Variants in CHD9 observed in about 807,000 individuals in gnomAD.
The protein encoded by CHD9 is ATP-dependent chromatin remodeler CHD9.
A neutral mutation model predicts 316.1 loss-of-function variants in CHD9; 77 were observed. The observed-to-expected ratio is 0.24, with a 90% CI of 0.20 to 0.29. CHD9 has a LOEUF of 0.29. Among genes scored for constraint, CHD9 ranks in the 10% least tolerant of loss-of-function variants. The pLI is 1.00. For synonymous variants in CHD9, 1,129 were observed against 1,158.3 expected, an observed-to-expected ratio of 0.97 and a Z score of 0.51; for missense variants, 2,763 against 3,438.1, an observed-to-expected ratio of 0.80 and a Z score of 4.91.
Position 53,324,200 on chromosome 16 carries a change from G to A in CHD9, c.7999G>A (p.Val2667Met), listed in dbSNP as rs1438443667. 6.2e-7 allele frequency: 1 copy of A among 1,613,970 alleles called. No individual in the cohort carries two copies. The highest frequency in any genetic ancestry group is 1.1e-5 in the South Asian group (1 of 91,078). ...GTTAGCCAATGGACTACTTCCAGGT[G>A]TGGATCTCACAACTCTTCAGGCCTT... ...PLLANGLLPG[V>M]DLTTLQALQQ... The change falls in exon 39 of 39, where the codon GTG (valine) becomes ATG (methionine). Residue 2667 changes from valine to methionine, a missense_variant. This residue lies in a region of CHD9 where 298 missense variants were observed against 380.2 expected (regional missense o/e 0.78). Coordinates refer to ENST00000447540, the MANE Select transcript of CHD9 (RefSeq NM_001308319.2).
At chr16:53,075,582 A>C (rs1410458955) in intron 1 of CHD9, among the ~76,000 whole-genome samples, 1 of 152,086 alleles carries the variant, frequency 6.6e-6, no homozygotes, top group Non-Finnish European at 1.5e-5. Flanking sequence ...GTAGTGAATA[A>C]GTCTCACGAG....
rs555234780 is a variant in CHD9 at position 53,218,281 on chromosome 16, A to C, written c.1785-4363A>C. On this transcript the variant is annotated intron_variant, in intron 3 of 38. Coordinates refer to ENST00000447540, the MANE Select transcript of CHD9 (RefSeq NM_001308319.2). ...TAGAACAATGTTGGAAGAATAATAC[A>C]GAATATGTGGAAAATAAAGTGAAAG... Among the ~76,000 whole-genome samples the C allele has an allele frequency of 1.5e-4, 23 of 152,294 alleles. 1 individual carries two copies. In the South Asian group the frequency reaches 4.6e-3, roughly 30 times the overall value.
At chr16:53,238,748 C>T (rs2048836042) in intron 12 of CHD9, among the ~76,000 whole-genome samples, 162 bp downstream of exon 12, 1 of 152,094 alleles carries the variant, frequency 6.6e-6, no homozygotes. Context: ...TAAATTTGAG[C>T]AGCTGAAGAG....
At chr16:53,201,853 T>TG (rs1473426982) in intron 2 of CHD9, among the ~76,000 whole-genome samples, 1 of 151,494 alleles carries the variant, frequency 6.6e-6, no homozygotes, top group Non-Finnish European at 1.5e-5. Flanking sequence ...AGGTTTTTTT[T>TG]TTTGTTGTTG....
chr16:53,071,566 C>T (rs2034051728), intron 1 of CHD9, among the ~76,000 whole-genome samples: 1 of 152,160 alleles, frequency 6.6e-6, no homozygotes, highest in East Asian at 1.9e-4. Flanking sequence ...TCACTATAGG[C>T]ATAATCAATA....
At chr16:53,249,165 A>G (rs2049926553) in intron 16 of CHD9, among the ~76,000 whole-genome samples, 1 of 152,198 alleles carries the variant, frequency 6.6e-6, no homozygotes, top group South Asian at 2.1e-4. Flanking sequence ...CATAACAAAC[A>G]TTATTAGAAG....
chr16:53,092,455 C>G (rs2036026908), intron 1 of CHD9, among the ~76,000 whole-genome samples: 1 of 152,220 alleles, frequency 6.6e-6, no homozygotes, highest in Non-Finnish European at 1.5e-5. Context: ...TCACTCAGCT[C>G]TTTACCTTCC....
intron 12 of CHD9, among the ~76,000 whole-genome samples, chr16:53,239,019 C>T (rs2048859756): frequency 6.6e-6 from 1 of 152,042 alleles, no homozygotes; most frequent in African/African-American, 2.4e-5. Context: ...ACCATAGGTT[C>T]TCTTTCATGT....
chr16:53,102,458 CCAGCTAGTAAGTGG>C (rs2036963932), intron 1 of CHD9, among the ~76,000 whole-genome samples: 1 of 152,066 alleles, frequency 6.6e-6, no homozygotes, highest in Admixed American at 6.6e-5. Flanking sequence ...CCTAGGTCAT[CCAGCTAGTAAGTGG>C]CAGAACCTGA....
chr16:53,324,682 A>G lies in CHD9; in HGVS notation c.8481A>G (p.Val2827=). ...TGTCCCAGTCCAATACTTTTGATGT[A>G]CAAAACAAAAACAGTGACTTAGGCT... is the stretch of plus-strand genomic sequence containing the variant. ...PTLSQSNTFD[V]QNKNSDLGSS... Residue 2827 remains valine, a synonymous_variant, in exon 39 of 39, where the codon GTA becomes GTG. Coordinates refer to ENST00000447540, the MANE Select transcript of CHD9 (RefSeq NM_001308319.2). 2 of 1,613,510 alleles carry G rather than the reference A, an allele frequency of 1.2e-6. No homozygotes were observed. The highest frequency in any genetic ancestry group is 2.2e-5 in the East Asian group (1 of 44,856).
At chr16:53,116,708 G>C (rs1345514980) in intron 1 of CHD9, among the ~76,000 whole-genome samples, 1 of 152,094 alleles carries the variant, frequency 6.6e-6, no homozygotes, top group Non-Finnish European at 1.5e-5. Context: ...ATTTGACCCA[G>C]TAATCCCATT....
intron 34 of CHD9, chr16:53,311,942 T>A (rs879625926): frequency 6.6e-6 from 1 of 152,172 alleles, no homozygotes; most frequent in Non-Finnish European, 1.5e-5. Flanking sequence ...AAGCTATTTT[T>A]AAAATAGTGT....
At position 53,304,447 on chromosome 16, in the gene CHD9, A is replaced by G. The variant is rs773981389; in HGVS notation, c.6441A>G (p.Ser2147=). Residue 2147 remains serine (S), a synonymous_variant, in exon 31 of 39, where the codon TCA becomes TCG. Coordinates refer to ENST00000447540, the MANE Select transcript of CHD9 (RefSeq NM_001308319.2). The part of the protein sequence containing the change: ...DSERSSCSSR[S]SSSSSSSSCS... ...AGAGATCATCTTGTTCTTCCAGATC[A>G]TCTTCTTCCTCATCATCCTCTTCTT... 2 of 1,582,930 alleles carry G rather than the reference A, an allele frequency of 1.3e-6. No homozygotes were observed.
chr16:53,285,829 A>G, intron 25 of CHD9, 130 bp downstream of exon 25: 1 of 533,770 alleles, frequency 1.9e-6, no homozygotes, highest in Non-Finnish European at 3.3e-6. Flanking sequence ...AATTAAAAGC[A>G]TACACTACCA....
At chr16:53,055,498 C>CG (rs2031966355) in intron 1 of CHD9, among the ~76,000 whole-genome samples, 1 of 151,630 alleles carries the variant, frequency 6.6e-6, no homozygotes, top group South Asian at 2.1e-4. Context: ...ACCCCCGCCC[C>CG]CCCCCAGAGA....
rs1453316493 is a variant in CHD9 at position 53,226,531 on chromosome 16, A to G, written c.2043+19A>G. On this transcript the variant is annotated intron_variant, in intron 5 of 38. Coordinates refer to ENST00000447540, the MANE Select transcript of CHD9 (RefSeq NM_001308319.2). ...GTTTGTGGTAAGCATATTTGGGATT[A>G]TGACTGCAAAACATTTTAAACCGAC... The G allele has an allele frequency of 6.3e-7, 1 of 1,585,866 alleles. No homozygotes were observed. The highest frequency in any genetic ancestry group is 2.3e-5 in the East Asian group (1 of 43,904).
intron 3 of CHD9, among the ~76,000 whole-genome samples, 180 bp downstream of exon 3, chr16:53,209,993 A>G (rs1005472209): frequency 1.3e-5 from 2 of 152,122 alleles, no homozygotes; most frequent in African/African-American, 4.8e-5. Context: ...GATCTCCCAA[A>G]TTTTATGGTT....
At chr16:53,073,001 A>G (rs1452770775) in intron 1 of CHD9, among the ~76,000 whole-genome samples, 1 of 152,146 alleles carries the variant, frequency 6.6e-6, no homozygotes, top group African/African-American at 2.4e-5. Context: ...GGCCATCCCT[A>G]TAACCATTTT....
chr16:53,309,442 C>T (rs141096652), intron 34 of CHD9, among the ~76,000 whole-genome samples: 154 of 152,280 alleles, frequency 1.0e-3, no homozygotes, highest in African/African-American at 2.8e-3. Context: ...TAACCTAATC[C>T]TGTGTCTACA....
Sources: allele counts gnomAD v4.1 joint callset (sites outside exome capture counted in the v4.1 genomes callset), GRCh38; gene constraint gnomAD v4.1.1; regional missense constraint gnomAD v4.1.1; transcripts MANE v1.5; gene names NCBI Gene and HGNC (gene_info 2026-07-23, HGNC 2026-07-21).